CMBL: variants seen among roughly 807,000 people sequenced by gnomAD.
The protein encoded by CMBL is carboxymethylenebutenolidase homolog (Pseudomonas).
CMBL carries 17 observed loss-of-function variants against 28.7 expected under a neutral mutation model. The ratio of observed to expected loss-of-function variants is 0.59; its 90% CI spans 0.41 to 0.89. The LOEUF (loss-of-function observed/expected upper bound fraction) is 0.89. Ranked by LOEUF, CMBL falls within the 40% of genes least tolerant of loss-of-function variation. The pLI, the probability that CMBL is intolerant of heterozygous loss-of-function variation, is 0.00. For missense variants in CMBL, 310 were observed against 298.5 expected (o/e 1.04, Z -0.28); for synonymous variants, 106 against 101.6 (o/e 1.04, Z -0.26).
At chr5:10,284,742 G>C (rs765793918) in intron 4 of CMBL, among the ~76,000 whole-genome samples, 26 of 152,110 alleles carry the variant, frequency 1.7e-4, no homozygotes, top group Non-Finnish European at 3.2e-4. Flanking sequence ...ATTTATGATG[G>C]GTTTATCAAG....
chr5:10,297,141 C>T (rs992744473), intron 1 of CMBL, among the ~76,000 whole-genome samples: 13 of 148,500 alleles, frequency 8.8e-5, no homozygotes, highest in Non-Finnish European at 1.8e-4. Context: ...ACCGAGATCA[C>T]GCCATTGCAC....
At chr5:10,298,599 T>TA (rs1746845477) in intron 1 of CMBL, among the ~76,000 whole-genome samples, 1 of 152,210 alleles carries the variant, frequency 6.6e-6, no homozygotes, top group Admixed American at 6.5e-5. Context: ...TACTTCAGAA[T>TA]AGCCCCATTT....
Position 10,288,633 on chromosome 5 carries a change from AGAAAAG to A in CMBL, c.216-110_216-105del, listed in dbSNP as rs1716557758. The A allele has an allele frequency of 1.0e-5, 9 of 897,580 alleles. No individual in the cohort carries two copies. In the South Asian group the frequency reaches 1.3e-4, roughly 13 times the overall value. The allele number at this position is 897,580 out of a possible 1,614,324, so 55.6% of individuals were successfully genotyped here. ...TGCTACGTTGGCGATTCTGGCTCAG[AGAAAAG>A]GAAAAGTAGTGGGTGTGAAGGCCAA... is the stretch of plus-strand genomic sequence containing the variant. On this transcript the variant is annotated intron_variant, in intron 2 of 5. Transcript: ENST00000296658.
chr5:10,305,282 T>C (rs1261103799), intron 1 of CMBL, among the ~76,000 whole-genome samples: 1 of 152,124 alleles, frequency 6.6e-6, no homozygotes, highest in Non-Finnish European at 1.5e-5. Flanking sequence ...TGATTCCCCA[T>C]AGACATTGCT....
intron 1 of CMBL, among the ~76,000 whole-genome samples, chr5:10,302,916 C>T (rs1005644873): frequency 2.8e-4 from 42 of 152,214 alleles, no homozygotes; most frequent in Admixed American, 1.3e-4. Context: ...CTTTCCAGGT[C>T]TCTTTCTGAT....
intron 1 of CMBL, among the ~76,000 whole-genome samples, chr5:10,295,895 T>C (rs1023071639): frequency 1.3e-5 from 2 of 152,210 alleles, no homozygotes; most frequent in African/African-American, 4.8e-5. Context: ...ATTTTTGTGC[T>C]TTTTGAGGGG....
intron 1 of CMBL, among the ~76,000 whole-genome samples, chr5:10,291,119 G>A (rs1324184335): frequency 6.6e-6 from 1 of 152,200 alleles, no homozygotes; most frequent in Non-Finnish European, 1.5e-5. Context: ...GTGATGCTGG[G>A]GGACAGGACC....
At position 10,288,665 on chromosome 5, in the gene CMBL, T is replaced by C. The variant is rs73052314; in HGVS notation, c.216-136A>G. On this transcript the variant is annotated intron_variant, in intron 2 of 5. Coordinates refer to ENST00000296658, the MANE Select transcript of CMBL (RefSeq NM_138809.4). ...GAAAAGTAGTGGGTGTGAAGGCCAA[T>C]TTTGATCGCAGCAAAGCAGCCACCT... The C allele has an allele frequency of 9.5e-3, 6,435 of 677,274 alleles. 275 individuals are homozygous for C. The African/African-American group carries it at 0.095, about 10-fold the overall frequency. 42.0% of individuals were successfully genotyped at this position (677,274 alleles called of 1,614,324 possible).
Position 10,280,310 on chromosome 5 carries a change from G to A in CMBL, c.*143C>T. On this transcript the variant is annotated 3_prime_UTR_variant, in exon 6 of 6. Coordinates refer to ENST00000296658, the MANE Select transcript of CMBL (RefSeq NM_138809.4). ...ATTATTTCATGCATTACGTCCTACT[G>A]AATTTGTGTTTCAAATGAAATAATC... The A allele has an allele frequency of 9.9e-6, 6 of 603,286 alleles. No individual in the cohort carries two copies. Among genetic ancestry groups the A allele is most frequent in the Admixed American group, 3.1e-5 (1 of 32,058 alleles). 37.4% of individuals were successfully genotyped at this position (603,286 alleles called of 1,614,324 possible). A position where few individuals can be genotyped will look rare whatever the true frequency, so the allele number is the denominator to read the frequency against.
chr5:10,306,042 T>C (rs1746995634), intron 1 of CMBL, among the ~76,000 whole-genome samples: 1 of 152,250 alleles, frequency 6.6e-6, no homozygotes, highest in Non-Finnish European at 1.5e-5. Context: ...ATTTATCACT[T>C]TTATATCTGT....
chr5:10,307,035 C>A lies in CMBL; in HGVS notation c.-20+590G>T, dbSNP rs147292688. 3.9e-3 allele frequency among the ~76,000 whole-genome samples: 591 copies of A among 152,270 alleles called. 5 individuals are homozygous for A. The highest frequency in any genetic ancestry group is 0.013 in the African/African-American group (560 of 41,554). ...CCAGTGTTTCCAAGGCCTGCCCGAC[C>A]CACATGGCTGTGGGGTGTAAACTGT... On this transcript the variant is annotated intron_variant, in intron 1 of 5. Coordinates refer to ENST00000296658, the MANE Select transcript of CMBL (RefSeq NM_138809.4).
chr5:10,290,505 A>C, intron 2 of CMBL, 43 bp downstream of exon 2: 1 of 1,537,398 alleles, frequency 6.5e-7, no homozygotes, highest in Non-Finnish European at 9.0e-7. Flanking sequence ...AAACCACTGA[A>C]ATTTGTATGA....
In CMBL at chr5:10,280,843, A is replaced by T. The variant is rs139405364; in HGVS notation, c.559-211T>A. ...GGTTGGAGTTCAGTGGCGCCATCTC[A>T]GCTCACTGCAACCTCTGCCTCCCAC... is the stretch of plus-strand genomic sequence containing the variant. On this transcript the variant is annotated intron_variant, in intron 5 of 5. Coordinates refer to ENST00000296658, the MANE Select transcript of CMBL (RefSeq NM_138809.4). Among the ~76,000 whole-genome samples the T allele has an allele frequency of 2.3e-3, 357 of 152,236 alleles. 2 individuals carry two copies. The highest frequency in any genetic ancestry group is 8.1e-3 in the African/African-American group (337 of 41,530).
In CMBL at chr5:10,307,510, C is replaced by A. The variant is rs570144716; in HGVS notation, c.-20+115G>T. 4 of 152,352 alleles carry A rather than the reference C, an allele frequency of 2.6e-5. No individual in the cohort carries two copies. The South Asian group carries it at 8.3e-4, about 32-fold the overall frequency. 9.4% of individuals were successfully genotyped at this position (152,352 alleles called of 1,614,324 possible). ...TCTGAAAACGGACTATGGGAAGTTC[C>A]TTACCCGTGCACGCGGCAAAGACCT... On this transcript the variant is annotated intron_variant, in intron 1 of 5. Transcript: ENST00000296658.
intron 4 of CMBL, among the ~76,000 whole-genome samples, 165 bp from the exon 5 acceptor site, chr5:10,282,453 TA>T (rs1440883660): frequency 1.3e-5 from 2 of 152,186 alleles, no homozygotes; most frequent in Non-Finnish European, 2.9e-5. Flanking sequence ...TTTTCTTTTT[TA>T]GCCATTCCAC....
intron 1 of CMBL, among the ~76,000 whole-genome samples, chr5:10,306,308 A>G (rs1021382695): frequency 4.6e-5 from 7 of 152,194 alleles, no homozygotes; most frequent in African/African-American, 1.7e-4. Context: ...GATTATAACA[A>G]GCAGGGAAGT....
At chr5:10,281,054 G>A (rs902230416) in intron 5 of CMBL, among the ~76,000 whole-genome samples, 4 of 152,212 alleles carry the variant, frequency 2.6e-5, no homozygotes, top group African/African-American at 4.8e-5. Context: ...GATTACAGGC[G>A]TGAGCCACGG....
chr5:10,290,204 G>A (rs1455424507), intron 2 of CMBL, among the ~76,000 whole-genome samples: 4 of 152,198 alleles, frequency 2.6e-5, no homozygotes, highest in African/African-American at 7.2e-5. Context: ...TTGAAGGACC[G>A]AGTCACGGGT....
chr5:10,296,431 CCA>C (rs1746811136), intron 1 of CMBL, among the ~76,000 whole-genome samples: 1 of 152,170 alleles, frequency 6.6e-6, no homozygotes, highest in South Asian at 2.1e-4. Flanking sequence ...CAGGCGAGCA[CCA>C]CCATACCTGG....
Sources: gnomAD v4.1 joint callset for allele counts (sites outside exome capture counted in the v4.1 genomes callset) on GRCh38, gnomAD v4.1.1 for gene constraint, MANE v1.5 for transcripts, NCBI Gene and HGNC (gene_info 2026-07-23, HGNC 2026-07-21) for gene names.